The following PDE1C variants were observed in gnomAD, a reference collection of about 807,000 sequenced individuals.
PDE1C encodes the protein phosphodiesterase 1C, also known as dual specificity calcium/calmodulin-dependent 3',5'-cyclic nucleotide phosphodiesterase 1C.
In PDE1C, 62 loss-of-function variants were observed where a neutral mutation model predicts 93.1. The ratio of observed to expected loss-of-function variants is 0.67; its 90% confidence interval spans 0.54 to 0.82. PDE1C has a LOEUF of 0.82. PDE1C is among the 40% of genes least tolerant of loss of function. The pLI is 0.00. For missense variants in PDE1C, 742 were observed against 884.6 expected (o/e 0.84, Z 2.04); for synonymous variants, 325 against 310.1 (o/e 1.05, Z -0.50).
At chr7:32,069,157 A>T (rs1040437578) in intron 1 of PDE1C, among the ~76,000 whole-genome samples, 1 of 152,204 alleles carries the variant, frequency 6.6e-6, no homozygotes, top group African/African-American at 2.4e-5. Context: ...TATAAATTGC[A>T]CCTGTCAATA....
chr7:32,278,856 C>A (rs1811452748), intron 1 of PDE1C, among the ~76,000 whole-genome samples: 1 of 152,046 alleles, frequency 6.6e-6, no homozygotes. Flanking sequence ...AAAAATAAAA[C>A]TAGTTTTAAA....
the PDE1C span, among the ~76,000 whole-genome samples, chr7:31,645,989 C>T: frequency 6.6e-6 from 1 of 151,952 alleles, no homozygotes; most frequent in Non-Finnish European, 1.5e-5. Flanking sequence ...TTTGAGAGGC[C>T]GTATGGGGGA....
At chr7:31,624,553 A>C in the PDE1C span, among the ~76,000 whole-genome samples, 1 of 133,714 alleles carries the variant, frequency 7.5e-6, no homozygotes, top group Non-Finnish European at 1.6e-5. Context: ...TGGTGCTGGG[A>C]AAACTGGCTA....
At chr7:31,645,225 A>G in the PDE1C span, among the ~76,000 whole-genome samples, 1 of 152,238 alleles carries the variant, frequency 6.6e-6, no homozygotes, top group African/African-American at 2.4e-5. Flanking sequence ...TAAGTGTAGA[A>G]TTAACATTAG....
chr7:31,758,214 G>A (rs1371932644), intron 17 of PDE1C, among the ~76,000 whole-genome samples: 1 of 152,090 alleles, frequency 6.6e-6, no homozygotes, highest in Admixed American at 6.5e-5. Flanking sequence ...GTTAATGGGT[G>A]CAGCACACCA....
chr7:32,230,570 C>T (rs900688962), intron 1 of PDE1C, among the ~76,000 whole-genome samples: 1 of 152,156 alleles, frequency 6.6e-6, no homozygotes, highest in Non-Finnish European at 1.5e-5. Flanking sequence ...GGGAGACCTA[C>T]CTGCCTGAAA....
intron 3 of PDE1C, among the ~76,000 whole-genome samples, chr7:32,140,712 C>T (rs1800472918): frequency 6.6e-6 from 1 of 152,136 alleles, no homozygotes; most frequent in South Asian, 2.1e-4. Context: ...ACAAAGCACA[C>T]CTTTTACCCA....
chr7:31,621,551 A>G, the PDE1C span, among the ~76,000 whole-genome samples: 1 of 148,234 alleles, frequency 6.7e-6, no homozygotes, highest in African/African-American at 2.5e-5. Flanking sequence ...CAGACAAGCA[A>G]ATGCTGAGAG....
intron 1 of PDE1C, among the ~76,000 whole-genome samples, chr7:32,213,045 TACAGTG>T (rs1360782021): frequency 6.6e-6 from 1 of 152,168 alleles, no homozygotes; most frequent in Non-Finnish European, 1.5e-5. Context: ...CATTCTTTTG[TACAGTG>T]ACTATGCATT....
In PDE1C at chr7:32,242,284, G is replaced by C. The variant is rs534501853; in HGVS notation, c.86-32745C>G. 8.5e-5 allele frequency among the ~76,000 whole-genome samples: 13 copies of C among 152,296 alleles called. No individual in the cohort carries two copies. In the East Asian group the frequency reaches 9.7e-4, roughly 11 times the overall value. On this transcript the variant is annotated intron_variant, in intron 1 of 18. Transcript: ENST00000396193. ...ATAGGGCTGATGGACAATGAAGATAGGTTCAAGAATTCGGAGTTCCCAGGG... is the reference window on the plus strand; with the variant it reads ...ATAGGGCTGATGGACAATGAAGATACGTTCAAGAATTCGGAGTTCCCAGGG...
chr7:32,005,878 T>C (rs1213947515), intron 2 of PDE1C, among the ~76,000 whole-genome samples: 2 of 152,198 alleles, frequency 1.3e-5, no homozygotes, highest in East Asian at 3.9e-4. Context: ...TTGCTACCTT[T>C]TTTTTCTGCA....
At chr7:31,695,099 C>G in the PDE1C span, among the ~76,000 whole-genome samples, 1 of 152,058 alleles carries the variant, frequency 6.6e-6, no homozygotes, top group Admixed American at 6.6e-5. Context: ...CCAAAGAGAG[C>G]AAGTCTTGAG....
At chr7:32,163,806 TC>T (rs1401856357) in intron 3 of PDE1C, among the ~76,000 whole-genome samples, 5 of 152,116 alleles carry the variant, frequency 3.3e-5, no homozygotes, top group Non-Finnish European at 7.3e-5. Context: ...GGGCTCATAT[TC>T]CCTGGCTGGG....
intron 3 of PDE1C, among the ~76,000 whole-genome samples, chr7:32,085,151 T>C (rs1796988344): frequency 6.6e-6 from 1 of 151,274 alleles, no homozygotes; most frequent in African/African-American, 2.4e-5. Flanking sequence ...ATAGACGCAA[T>C]AAAAAATGAT....
chr7:31,960,354 G>C (rs1006085661), intron 2 of PDE1C, among the ~76,000 whole-genome samples: 1 of 152,186 alleles, frequency 6.6e-6, no homozygotes, highest in Non-Finnish European at 1.5e-5. Flanking sequence ...AAGATGCAGA[G>C]TCTGAATTTA....
chr7:31,784,898 TTAATA>T (rs1265553053), intron 16 of PDE1C: 4 of 152,124 alleles, frequency 2.6e-5, no homozygotes, highest in East Asian at 1.9e-4. Flanking sequence ...TCTATATATA[TTAATA>T]TAATATGTGA....
chr7:32,004,619 G>A (rs1327931658), intron 2 of PDE1C, among the ~76,000 whole-genome samples: 3 of 152,214 alleles, frequency 2.0e-5, no homozygotes, highest in African/African-American at 7.2e-5. Context: ...GCAGAGAGCA[G>A]AGCCTCTTTA....
intron 16 of PDE1C, among the ~76,000 whole-genome samples, chr7:31,806,322 G>A (rs1001153011): frequency 2.6e-5 from 4 of 152,064 alleles, no homozygotes; most frequent in African/African-American, 9.6e-5. Context: ...ATGAGGCTAT[G>A]TTATTACAAA....
intron 9 of PDE1C, among the ~76,000 whole-genome samples, chr7:31,842,589 C>T (rs1792058094): frequency 1.3e-5 from 2 of 152,060 alleles, no homozygotes; most frequent in Non-Finnish European, 1.5e-5. Flanking sequence ...TTGTTTGTAA[C>T]ATTTTCTTAT....
Sources: allele counts gnomAD v4.1 joint callset (sites outside exome capture counted in the v4.1 genomes callset), GRCh38; gene constraint gnomAD v4.1.1; transcripts MANE v1.5; gene names NCBI Gene and HGNC (gene_info 2026-07-23, HGNC 2026-07-21).